The following ITGAL variants were observed in gnomAD, a reference collection of about 807,000 sequenced individuals.
ITGAL encodes integrin subunit alpha L.
Under a neutral mutation model 138.4 loss-of-function variants are expected in ITGAL, and 68 were observed. The ratio of observed to expected loss-of-function variants is 0.49; its 90% CI spans 0.40 to 0.60. The LOEUF is 0.60. ITGAL is among the 20% of genes least tolerant of loss of function. The pLI is 0.00. For synonymous variants in ITGAL, 561 were observed against 584.3 expected (o/e 0.96, Z 0.57); for missense variants, 1,256 against 1,478.6 (o/e 0.85, Z 2.47).
chr16:30,509,013 C>G (rs1424395145), intron 21 of ITGAL, among the ~76,000 whole-genome samples: 2 of 151,918 alleles, frequency 1.3e-5, no homozygotes, highest in Non-Finnish European at 2.9e-5. Flanking sequence ...CCCATCTCTA[C>G]TAAAAATACA....
At chr16:30,497,259 C>T (rs955165931) in intron 15 of ITGAL, among the ~76,000 whole-genome samples, 4 of 151,480 alleles carry the variant, frequency 2.6e-5, no homozygotes, top group Non-Finnish European at 5.9e-5. Context: ...AGGAGAATGG[C>T]GTGAACCCAG....
intron 29 of ITGAL, 93 bp from the exon 30 acceptor site, chr16:30,519,764 C>A: frequency 1.2e-6 from 1 of 815,136 alleles, no homozygotes; most frequent in Non-Finnish European, 2.2e-6. Context: ...TGATGCAGTC[C>A]GGATAGGAGG....
chr16:30,491,974 G>A (rs180799273), intron 11 of ITGAL, among the ~76,000 whole-genome samples: 4 of 152,252 alleles, frequency 2.6e-5, no homozygotes, highest in Admixed American at 6.5e-5. Flanking sequence ...AAGCGGTTCC[G>A]TCTCTTCACT....
At chr16:30,478,473 C>T (rs1211528594) in intron 4 of ITGAL, among the ~76,000 whole-genome samples, 2 of 151,570 alleles carry the variant, frequency 1.3e-5, no homozygotes, top group Non-Finnish European at 2.9e-5. Flanking sequence ...CCGAGGCAGG[C>T]AGATCACGAG....
intron 21 of ITGAL, among the ~76,000 whole-genome samples, chr16:30,507,142 G>A (rs2051013300): frequency 6.6e-6 from 1 of 152,106 alleles, no homozygotes; most frequent in South Asian, 2.1e-4. Context: ...GGCCAACATG[G>A]TGAAACCCTG....
intron 15 of ITGAL, among the ~76,000 whole-genome samples, chr16:30,497,517 C>T (rs1411881587): frequency 1.3e-5 from 2 of 151,406 alleles, no homozygotes; most frequent in Middle Eastern, 3.4e-3. Context: ...TGCACTGTTG[C>T]CCAGGCCAGA....
Position 30,499,091 on chromosome 16 carries a change from A to G in ITGAL, c.1850A>G (p.Asp617Gly). The change falls in exon 16 of 31, where the codon GAT becomes GGT. Residue 617 changes from aspartate (D) to glycine (G), a missense_variant. Transcript: ENST00000356798. ...MIVLSSRPVV[D>G]MVTLMSFSPA... is the part of the protein sequence containing the mutation. ...CCCTGCAGCTCCCGGCCCGTGGTGG[A>G]TATGGTCACCCTGATGTCCTTCTCT... 1 of 1,614,008 alleles carries G rather than the reference A, an allele frequency of 6.2e-7. No individual in the cohort carries two copies. Among genetic ancestry groups the G allele is most frequent in the Non-Finnish European group, 8.5e-7 (1 of 1,179,998 alleles).
At chr16:30,517,444 C>A (rs1007468770) in intron 26 of ITGAL, among the ~76,000 whole-genome samples, 67 of 151,920 alleles carry the variant, frequency 4.4e-4, no homozygotes, top group Non-Finnish European at 9.4e-4. Flanking sequence ...GGTGACAGAA[C>A]AAGACCCTGT....
intron 15 of ITGAL, among the ~76,000 whole-genome samples, chr16:30,497,995 G>A (rs1567476689): frequency 6.6e-6 from 1 of 151,624 alleles, no homozygotes; most frequent in African/African-American, 2.4e-5. Context: ...CTGTAATCCA[G>A]CACTTTGGGA....
In ITGAL at chr16:30,517,009, C is replaced by A; in HGVS notation, c.2899C>A (p.Pro967Thr). ...GCCTTCCATCCACGACCACAACATA[C>A]CCACCCTGGAGGCTGTGGTTGGGGT... ...IQPSIHDHNIPTLEAVVGVPQ... is the reference protein window; with the variant it reads ...IQPSIHDHNITTLEAVVGVPQ... The change falls in exon 26 of 31, where the codon CCC (proline) becomes ACC (threonine). Residue 967 changes from proline to threonine, a missense_variant. Physicochemically the swap from Pro to Thr is conservative, Grantham distance 38. Transcript: ENST00000356798. The A allele has an allele frequency of 6.2e-7, 1 of 1,613,824 alleles. No homozygotes were observed. Among genetic ancestry groups the A allele is most frequent in the South Asian group, 1.1e-5 (1 of 91,072 alleles).
chr16:30,477,859 C>G (rs2050493274), intron 4 of ITGAL, among the ~76,000 whole-genome samples: 1 of 151,006 alleles, frequency 6.6e-6, no homozygotes, highest in Non-Finnish European at 1.5e-5. Flanking sequence ...GCACTCCAGC[C>G]TGGGTGATGG....
chr16:30,511,490 A>G (rs1256368948), intron 24 of ITGAL, among the ~76,000 whole-genome samples: 1 of 152,186 alleles, frequency 6.6e-6, no homozygotes, highest in Non-Finnish European at 1.5e-5. Context: ...CCAATGAACA[A>G]GCTGAGGCTC....
Position 30,494,177 on chromosome 16 carries a change from T to C in ITGAL, c.1214-35T>C. The C allele has an allele frequency of 6.5e-7, 1 of 1,535,168 alleles. No homozygotes were observed. On this transcript the variant is annotated intron_variant, in intron 11 of 30. Transcript: ENST00000356798. The surrounding 1 kb of genome is among the most constrained non-coding windows in gnomAD (Gnocchi z 4.2). ...TGCTGGGTGTTCTTCCAGCATCCTG[T>C]GTTCCTAACTCCACACCCCACACAC...
At chr16:30,506,670 A>ACCCTGATCCTCCCTCCTCCATCTTT in intron 20 of ITGAL, 45 bp from the exon 21 acceptor site, 1 of 1,466,420 alleles carries the variant, frequency 6.8e-7, no homozygotes, top group Non-Finnish European at 9.2e-7. Context: ...GATATTCCCC[A>ACCCTGATCCTCCCTCCTCCATCTTT]CCCTGATCCT....
intron 25 of ITGAL, among the ~76,000 whole-genome samples, chr16:30,516,758 C>T (rs35453059): frequency 0.071 from 10,793 of 152,218 alleles, 528 homozygotes; most frequent in Non-Finnish European, 0.11. Flanking sequence ...TGAGAGTGTG[C>T]TGGGCGGAGA....
At chr16:30,472,996 A>T in intron 1 of ITGAL, 98 bp downstream of exon 1, 1 of 1,153,976 alleles carries the variant, frequency 8.7e-7, no homozygotes, top group Non-Finnish European at 1.3e-6. Flanking sequence ...TGCCCCCTAA[A>T]AGTGGGATTG....
chr16:30,481,366 AAG>A, intron 6 of ITGAL, 71 bp from the exon 7 acceptor site: 9 of 963,430 alleles, frequency 9.3e-6, no homozygotes, highest in Admixed American at 3.4e-5. Context: ...AAAAAAAAAA[AAG>A]AAGTAGAGTT....
chr16:30,473,001 G>A (rs1370926458), intron 1 of ITGAL, 103 bp downstream of exon 1: 13 of 1,103,914 alleles, frequency 1.2e-5, no homozygotes, highest in Non-Finnish European at 1.8e-5. Context: ...CCTAAAAGTG[G>A]GATTGGCCTT....
chr16:30,506,030 C>T (rs540438579), intron 20 of ITGAL, among the ~76,000 whole-genome samples: 2 of 152,180 alleles, frequency 1.3e-5, no homozygotes, highest in African/African-American at 2.4e-5. Context: ...GAGGCCAAGG[C>T]GGGCAGATCA....
Sources: allele counts gnomAD v4.1 joint callset (sites outside exome capture counted in the v4.1 genomes callset), GRCh38; gene constraint gnomAD v4.1.1; non-coding constraint Gnocchi (gnomAD v3.1); transcripts MANE v1.5; gene names NCBI Gene and HGNC (gene_info 2026-07-23, HGNC 2026-07-21).